The following PSORS1C1 variants were observed in gnomAD, a reference collection of about 807,000 sequenced individuals.
PSORS1C1 encodes psoriasis susceptibility 1 candidate 1, also known as psoriasis susceptibility 1 candidate gene 1 protein.
PSORS1C1 carries 7 observed loss-of-function variants against 9.4 expected under a neutral mutation model. The ratio of observed to expected loss-of-function variants is 0.75; its 90% CI spans 0.42 to 1.40. The LOEUF (loss-of-function observed/expected upper bound fraction) is 1.40. Ranked by LOEUF, PSORS1C1 falls within the 40% of genes most tolerant of loss-of-function variation. The pLI, the probability that PSORS1C1 is intolerant of heterozygous loss-of-function variation, is 0.01. For missense variants in PSORS1C1, 146 were observed against 178.1 expected (o/e 0.82, Z 1.02); for synonymous variants, 63 against 69.4 (o/e 0.91, Z 0.46).
chr6:31,137,778 A>G, intron 3 of PSORS1C1: 1 of 415,736 alleles, frequency 2.4e-6, no homozygotes, highest in Non-Finnish European at 4.3e-6. Flanking sequence ...GGATCTCAGG[A>G]GGGGACAGGA....
rs1773323807 is a variant in PSORS1C1 at position 31,139,234 on chromosome 6, A to AC, written c.168-404dup. 1.7e-6 allele frequency: 1 copy of AC among 589,676 alleles called. No homozygotes were observed. Among genetic ancestry groups the AC allele is most frequent in the Non-Finnish European group, 3.0e-6 (1 of 331,576 alleles). 36.5% of individuals were successfully genotyped at this position (589,676 alleles called of 1,614,324 possible). ...CCTTATTTTAGTCCTCCAGCCCAGG[A>AC]CCCAGCTGCCTGCTCTCCCTATCAT... On this transcript the variant is annotated intron_variant, in intron 5 of 5. Coordinates refer to ENST00000259881, the MANE Select transcript of PSORS1C1 (RefSeq NM_014068.3). This position sits in a 1 kb window ranked among gnomAD's most constrained non-coding sequence, Gnocchi z 5.2.
At chr6:31,117,761 A>G (rs964837557) in intron 1 of PSORS1C1, 37 of 574,334 alleles carry the variant, frequency 6.4e-5, no homozygotes, top group Non-Finnish European at 8.7e-5. Context: ...CCAGAAAAAT[A>G]GAAAATTAGG....
At chr6:31,117,048 A>G (rs1383216733) in intron 1 of PSORS1C1, 10 of 1,614,070 alleles carry the variant, frequency 6.2e-6, no homozygotes, top group Non-Finnish European at 8.5e-6. Context: ...CAGGCTGGGA[A>G]GGGTTTAGTA....
In PSORS1C1 at chr6:31,139,224, C is replaced by T; in HGVS notation, c.168-417C>T. 1.7e-6 allele frequency: 1 copy of T among 595,630 alleles called. No individual in the cohort carries two copies. The highest frequency in any genetic ancestry group is 2.8e-5 in the East Asian group (1 of 36,016). The allele number at this position is 595,630 out of a possible 1,614,324, so 36.9% of individuals were successfully genotyped here. The stretch of plus-strand genomic sequence containing the variant: ...AGGTGGCGTCCCTTATTTTAGTCCT[C>T]CAGCCCAGGACCCAGCTGCCTGCTC... On this transcript the variant is annotated intron_variant, in intron 5 of 5. Transcript: ENST00000259881. The surrounding 1 kb of genome is among the most constrained non-coding windows in gnomAD (Gnocchi z 5.2).
In PSORS1C1 at chr6:31,139,001, C is replaced by G; in HGVS notation, c.167+222C>G. The G allele has an allele frequency of 6.2e-7, 1 of 1,614,142 alleles. No homozygotes were observed. Among genetic ancestry groups the G allele is most frequent in the Non-Finnish European group, 8.5e-7 (1 of 1,180,002 alleles). ...GGTGTGCAGGCAAAGGACCAGGATC[C>G]CCAGGAGCTTCCAGTTGAGGATCAT... On this transcript the variant is annotated intron_variant, in intron 5 of 5. Transcript: ENST00000259881. This position sits in a 1 kb window ranked among gnomAD's most constrained non-coding sequence, Gnocchi z 5.2.
At chr6:31,117,950 T>A (rs1008880429) in intron 1 of PSORS1C1, 4 of 179,268 alleles carry the variant, frequency 2.2e-5, no homozygotes, top group South Asian at 2.4e-4. Context: ...TTAATTAAAA[T>A]TTTTTTTAAA....
At chr6:31,130,862 AT>A (rs56327850) in intron 3 of PSORS1C1, among the ~76,000 whole-genome samples, 3,420 of 143,262 alleles carry the variant, frequency 0.024, 87 homozygotes, top group Middle Eastern at 0.039. Context: ...TTTAATTTTA[AT>A]TTTTTTTTTT....
chr6:31,117,662 A>G, intron 1 of PSORS1C1: 1 of 757,518 alleles, frequency 1.3e-6, no homozygotes, highest in Non-Finnish European at 2.3e-6. Context: ...GGATGGAGAA[A>G]GGAGGAAGAA....
rs910268932 is a variant in PSORS1C1, at chr6:31,122,941, G to A, written c.-228-2735G>A. On this transcript the variant is annotated intron_variant, in intron 1 of 5. Transcript: ENST00000259881. ...AGGGAGGAGTGGACTAGAAGGTGCT[G>A]GGCCGTCCCAGGGTGTGAGGGGAGA... Among the ~76,000 whole-genome samples the A allele has an allele frequency of 4.0e-5, 6 of 151,862 alleles. No individual in the cohort carries two copies. In the East Asian group the frequency reaches 7.8e-4, roughly 20 times the overall value.
chr6:31,120,547 CA>C, intron 1 of PSORS1C1: 1 of 846,444 alleles, frequency 1.2e-6, no homozygotes, highest in Non-Finnish European at 1.9e-6. Context: ...GTGGGTGCCC[CA>C]GGGGAAGTTG....
chr6:31,117,667 G>A lies in PSORS1C1; in HGVS notation c.-229+2776G>A, dbSNP rs180997568. ...GAGAGTTTAGGGATGGAGAAAGGAG[G>A]AAGAACTGGCTATTGTCTCTAAAGG... On this transcript the variant is annotated intron_variant, in intron 1 of 5. Coordinates refer to ENST00000259881, the MANE Select transcript of PSORS1C1 (RefSeq NM_014068.3). The A allele has an allele frequency of 2.5e-3, 1,860 of 734,896 alleles. 17 individuals carry two copies. The highest frequency in any genetic ancestry group is 0.016 in the Middle Eastern group (44 of 2,700). The allele number at this position is 734,896 out of a possible 1,614,324, so 45.5% of individuals were successfully genotyped here. A position where few individuals can be genotyped will look rare whatever the true frequency, so the allele number is the denominator to read the frequency against.
At chr6:31,137,649 AGCGATC>A in intron 3 of PSORS1C1, 1 of 332,642 alleles carries the variant, frequency 3.0e-6, no homozygotes, top group Non-Finnish European at 5.4e-6. Flanking sequence ...GCCCTGCCCC[AGCGATC>A]GCGCGGGCAG....
chr6:31,138,345 G>A (rs770413098), intron 3 of PSORS1C1, 85 bp from the exon 4 acceptor site: 74 of 1,605,764 alleles, frequency 4.6e-5, no homozygotes, highest in Middle Eastern at 3.3e-4. Context: ...GGTGGTGAGG[G>A]CTTCTCTCCC....
chr6:31,130,588 T>G (rs1219048908), intron 3 of PSORS1C1, among the ~76,000 whole-genome samples: 1 of 151,828 alleles, frequency 6.6e-6, no homozygotes, highest in South Asian at 2.1e-4. Context: ...ATTTTTTTTG[T>G]ATTTTTAGTA....
chr6:31,126,378 GT>G (rs1772679370), intron 2 of PSORS1C1, among the ~76,000 whole-genome samples: 1 of 152,194 alleles, frequency 6.6e-6, no homozygotes, highest in African/African-American at 2.4e-5. Context: ...ACCCTAGGGG[GT>G]TCTGTTAGGT....
intron 1 of PSORS1C1, 102 bp downstream of exon 1, chr6:31,114,993 C>A (rs549400517): frequency 1.9e-4 from 80 of 423,644 alleles, no homozygotes; most frequent in South Asian, 9.7e-4. Flanking sequence ...GAAGGGGGAC[C>A]CCACGGTGAA....
In PSORS1C1 at chr6:31,139,427, G is replaced by C. The variant is rs2285804; in HGVS notation, c.168-214G>C. 0.049 allele frequency: 29,217 copies of C among 599,234 alleles called. 1,419 individuals are homozygous for C. Among genetic ancestry groups the C allele is most frequent in the East Asian group, 0.18 (6,631 of 36,200 alleles). 37.1% of individuals were successfully genotyped at this position (599,234 alleles called of 1,614,324 possible). On this transcript the variant is annotated intron_variant, in intron 5 of 5. Coordinates refer to ENST00000259881, the MANE Select transcript of PSORS1C1 (RefSeq NM_014068.3). The surrounding 1 kb of genome is among the most constrained non-coding windows in gnomAD (Gnocchi z 5.2). ...CAAACCACGCGATGGGCGTTGGGAA[G>C]CACCGTAATTACAGGGTTGGGAGGC...
intron 3 of PSORS1C1, chr6:31,138,220 G>A: frequency 1.3e-6 from 2 of 1,568,534 alleles, no homozygotes; most frequent in South Asian, 1.2e-5. Context: ...CCGGGGACTG[G>A]GGGGCCCTGA....
intron 1 of PSORS1C1, chr6:31,116,841 G>A (rs1459164283): frequency 2.5e-6 from 4 of 1,614,004 alleles, no homozygotes; most frequent in Middle Eastern, 1.6e-4. Context: ...AACCGTGCTG[G>A]TCCACCACCA....
Sources: allele counts gnomAD v4.1 joint callset (sites outside exome capture counted in the v4.1 genomes callset), GRCh38; gene constraint gnomAD v4.1.1; non-coding constraint Gnocchi (gnomAD v3.1); transcripts MANE v1.5; gene names NCBI Gene and HGNC (gene_info 2026-07-23, HGNC 2026-07-21).